Variants in MROH2A observed in about 807,000 individuals in gnomAD.
MROH2A encodes maestro heat like repeat family member 2A, also known as maestro heat-like repeat-containing protein family member 2A.
In MROH2A, 174 loss-of-function variants were observed where a neutral mutation model predicts 200.4. The observed-to-expected ratio is 0.87, with a 90% CI of 0.77 to 0.98. MROH2A has a LOEUF of 0.98. MROH2A is among the 50% of genes least tolerant of loss of function. The probability of loss-of-function intolerance (pLI) is 0.00; values close to 1 mark genes in which losing one functional copy is unlikely to be tolerated. For synonymous variants in MROH2A, 829 were observed against 840.4 expected, an observed-to-expected ratio of 0.99 and a Z score of 0.23; for missense variants, 2,045 against 2,139.6, an observed-to-expected ratio of 0.96 and a Z score of 0.87.
chr2:233,778,563 G>A (rs6720879), intron 1 of MROH2A, 82 bp downstream of exon 1: 11,392 of 167,358 alleles, frequency 0.068, 1,079 homozygotes, highest in African/African-American at 0.21. Flanking sequence ...CCATGGGATG[G>A]ATCTTTGAGG....
At chr2:233,799,690 C>A in intron 12 of MROH2A, 90 bp from the exon 13 acceptor site, 2 of 1,493,216 alleles carry the variant, frequency 1.3e-6, no homozygotes, top group Non-Finnish European at 1.8e-6. Flanking sequence ...TAGCCCAGAG[C>A]ACCCCCAATT....
In MROH2A at chr2:233,818,686, G is replaced by A. The variant is rs1290372937; in HGVS notation, c.3120G>A (p.Lys1040=). The A allele has an allele frequency of 1.3e-6, 2 of 1,549,930 alleles. No homozygotes were observed. The highest frequency in any genetic ancestry group is 2.0e-5 in the Admixed American group (1 of 51,000). ...CCTGCTCCTTGTGGGGCCCTTCCAA[G>A]CAGAAGGAGCTTGAGAAATGTAAGG... ...SQTCSLWGPS[K]QKELEKCKGD... is the part of the protein sequence containing the mutation. The change falls in exon 29 of 42, where the codon AAG becomes AAA. Residue 1040 remains lysine, a synonymous_variant. Transcript: ENST00000389758.
At chr2:233,795,506 G>A in intron 8 of MROH2A, 147 bp from the exon 9 acceptor site, 1 of 1,263,518 alleles carries the variant, frequency 7.9e-7, no homozygotes, top group East Asian at 2.5e-5. Context: ...AGCAGGACTG[G>A]GGTAGGGCCT....
intron 8 of MROH2A, among the ~76,000 whole-genome samples, chr2:233,794,838 C>A (rs989386097): frequency 1.3e-5 from 2 of 152,160 alleles, no homozygotes; most frequent in African/African-American, 4.8e-5. Context: ...ATTCTCTGTA[C>A]GTCCTGGAGG....
chr2:233,832,763 T>TGGGGGGGGGG, intron 41 of MROH2A, 119 bp downstream of exon 41: 3 of 389,292 alleles, frequency 7.7e-6, no homozygotes, highest in Non-Finnish European at 1.5e-5. Context: ...TTCGGGGGGG[T>TGGGGGGGGGG]GGGAGTGCAA....
intron 19 of MROH2A, among the ~76,000 whole-genome samples, chr2:233,806,844 G>A (rs1335891619): frequency 6.6e-6 from 1 of 151,994 alleles, no homozygotes; most frequent in East Asian, 1.9e-4. Context: ...GGTGGTCTTC[G>A]GTTACATGAA....
At chr2:233,818,275 G>C in intron 28 of MROH2A, 150 bp downstream of exon 28, 2 of 1,003,326 alleles carry the variant, frequency 2.0e-6, no homozygotes, top group Non-Finnish European at 2.9e-6. Flanking sequence ...AGAGGGAGCA[G>C]TGAGGGGAGA....
At chr2:233,812,099 G>A in intron 24 of MROH2A, 140 bp downstream of exon 24, 1 of 627,270 alleles carries the variant, frequency 1.6e-6, no homozygotes, top group Non-Finnish European at 2.9e-6. Flanking sequence ...GGCTCCCCAG[G>A]GCAATGGGCC....
intron 29 of MROH2A, 57 bp from the exon 30 acceptor site, chr2:233,819,260 T>C (rs535895599): frequency 1.3e-6 from 2 of 1,491,872 alleles, no homozygotes; most frequent in South Asian, 1.3e-5. Flanking sequence ...GAGGAGAGAG[T>C]GTCAGCAGTC....
intron 23 of MROH2A, among the ~76,000 whole-genome samples, chr2:233,811,489 A>C (rs930466756): frequency 6.6e-6 from 1 of 152,194 alleles, no homozygotes; most frequent in African/African-American, 2.4e-5. Context: ...AACAGAAGGC[A>C]ATGAGGAGGA....
chr2:233,833,234 T>C lies in MROH2A; in HGVS notation c.5000T>C (p.Leu1667Pro), dbSNP rs756686542. ...VLDSCSQHGF[L>P]ASPQGMS ...GATAGCTGTAGTCAGCATGGGTTTC[T>C]GGCTTCACCCCAAGGAATGTCCTAG... Residue 1667 changes from leucine (L) to proline (P), a missense_variant, in exon 42 of 42, where the codon CTG (leucine) becomes CCG (proline). Leu to Pro is a moderately conservative substitution (Grantham distance 98). Around this residue, in one of 3 missense-constraint regions of MROH2A, gnomAD observed 1,201 missense variants for 1,311.3 expected, o/e 0.92. Transcript: ENST00000389758. 4 of 1,550,020 alleles carry C rather than the reference T, an allele frequency of 2.6e-6. No individual in the cohort carries two copies. The highest frequency in any genetic ancestry group is 3.5e-6 in the Non-Finnish European group (4 of 1,146,836).
chr2:233,823,927 G>T (rs1226593967), intron 35 of MROH2A, among the ~76,000 whole-genome samples: 2 of 152,196 alleles, frequency 1.3e-5, no homozygotes, highest in Admixed American at 6.5e-5. Context: ...TGACCCAGGG[G>T]ACCCAGGGAG....
intron 3 of MROH2A, among the ~76,000 whole-genome samples, chr2:233,785,145 CAA>C (rs201302664): frequency 1.4e-5 from 2 of 140,788 alleles, no homozygotes; most frequent in African/African-American, 2.6e-5. Flanking sequence ...GACTCCATCT[CAA>C]AAAAAAAAAA....
chr2:233,800,191 G>C lies in MROH2A; in HGVS notation c.1450-14G>C. 6.5e-7 allele frequency: 1 copy of C among 1,533,988 alleles called. No individual in the cohort carries two copies. Among genetic ancestry groups the C allele is most frequent in the Non-Finnish European group, 8.8e-7 (1 of 1,135,458 alleles). ...CTAGGCCACAGGTGGGAATCCCTTG[G>C]TTCTTTCTTCCAGACAAATCGCCGG... On this transcript the variant is annotated splice_polypyrimidine_tract_variant and intron_variant, in intron 13 of 41. Coordinates refer to ENST00000389758, the MANE Select transcript of MROH2A (RefSeq NM_001394639.1).
Position 233,813,700 on chromosome 2 carries a change from A to G in MROH2A, c.2682A>G (p.Glu894=), listed in dbSNP as rs747185784. The G allele has an allele frequency of 1.3e-6, 2 of 1,550,198 alleles. No homozygotes were observed. The highest frequency in any genetic ancestry group is 2.4e-5 in the South Asian group (2 of 84,006). ...TGAAGCCTTTCTACTCCACAGAGGA[A>G]AACAGTGAGCTGATGGATATCAGCA... The part of the protein sequence containing the change: ...SKLKPFYSTE[E]NSELMDISIH... The change falls in exon 25 of 42, where the codon GAA becomes GAG. Residue 894 remains glutamate, a synonymous_variant. Coordinates refer to ENST00000389758, the MANE Select transcript of MROH2A (RefSeq NM_001394639.1).
intron 3 of MROH2A, among the ~76,000 whole-genome samples, chr2:233,780,175 T>G (rs935461468): frequency 6.6e-6 from 1 of 152,124 alleles, no homozygotes; most frequent in Non-Finnish European, 1.5e-5. Flanking sequence ...GTTTGGCTAG[T>G]GGGGAGATGC....
At chr2:233,786,395 CATGCGCACAGTGGGA>C (rs1701211472) in intron 3 of MROH2A, among the ~76,000 whole-genome samples, 1 of 152,238 alleles carries the variant, frequency 6.6e-6, no homozygotes, top group Non-Finnish European at 1.5e-5. Flanking sequence ...CTCTCCTGTG[CATGCGCACAGTGGGA>C]GAAAGCACTC....
At chr2:233,791,004 A>G (rs1371464449) in intron 5 of MROH2A, among the ~76,000 whole-genome samples, 1 of 152,218 alleles carries the variant, frequency 6.6e-6, no homozygotes, top group African/African-American at 2.4e-5. Context: ...GTCTGTGTGA[A>G]GCATAGGACC....
At chr2:233,831,343 G>T in intron 38 of MROH2A, 66 bp from the exon 39 acceptor site, 1 of 1,472,684 alleles carries the variant, frequency 6.8e-7, no homozygotes. Flanking sequence ...CTTCCTGCCA[G>T]CCTCACCCCT....
Sources: allele counts gnomAD v4.1 joint callset (sites outside exome capture counted in the v4.1 genomes callset), GRCh38; gene constraint gnomAD v4.1.1; regional missense constraint gnomAD v4.1.1; transcripts MANE v1.5; gene names NCBI Gene and HGNC (gene_info 2026-07-23, HGNC 2026-07-21).